The following NETO2 variants were observed in gnomAD, a reference collection of about 807,000 sequenced individuals.
The protein encoded by NETO2 is neuropilin and tolloid-like protein 2.
A neutral mutation model predicts 62.5 loss-of-function variants in NETO2; 28 were observed. That is an observed-to-expected ratio of 0.45 (90% CI 0.33 to 0.61). NETO2 has a LOEUF of 0.61. Ranked by LOEUF, NETO2 falls within the 20% of genes least tolerant of loss-of-function variation. The pLI is 0.02. For synonymous variants in NETO2, 214 were observed against 219.1 expected, an observed-to-expected ratio of 0.98 and a Z score of 0.21; for missense variants, 548 against 643.2, an observed-to-expected ratio of 0.85 and a Z score of 1.60.
At chr16:47,133,555 C>T (rs1273119366) in intron 1 of NETO2, among the ~76,000 whole-genome samples, 1 of 150,516 alleles carries the variant, frequency 6.6e-6, no homozygotes, top group African/African-American at 2.5e-5. Context: ...TGAGACCATG[C>T]CTCAATAACA....
chr16:47,142,087 C>G (rs1448766012), intron 1 of NETO2, among the ~76,000 whole-genome samples: 2 of 152,140 alleles, frequency 1.3e-5, no homozygotes, highest in Non-Finnish European at 2.9e-5. Flanking sequence ...CCGACAACGG[C>G]AGAAAATTCA....
rs758860848 is a variant in NETO2 at position 47,109,463 on chromosome 16, T to C, written c.883+20A>G. 6.4e-7 allele frequency: 1 copy of C among 1,560,978 alleles called. No homozygotes were observed. On this transcript the variant is annotated intron_variant, in intron 7 of 8. Coordinates refer to ENST00000562435, the MANE Select transcript of NETO2 (RefSeq NM_018092.5). ...AAAAATATGTAAAAGATCTCAATAC[T>C]ATAGGAATTATTTACTTACGCTCCA...
chr16:47,101,362 T>C (rs528165834), intron 7 of NETO2, among the ~76,000 whole-genome samples: 1 of 152,270 alleles, frequency 6.6e-6, no homozygotes, highest in East Asian at 1.9e-4. Context: ...GCATTCCCTT[T>C]GAAAACTGGC....
rs1963060676 is a variant in NETO2, at chr16:47,081,535, G to A, written c.*1686C>T. 1 of 152,400 alleles carries A rather than the reference G, an allele frequency of 6.6e-6. No individual in the cohort carries two copies. The highest frequency in any genetic ancestry group is 2.4e-5 in the African/African-American group (1 of 41,404). The allele number at this position is 152,400 out of a possible 1,614,324, so 9.4% of individuals were successfully genotyped here. On this transcript the variant is annotated 3_prime_UTR_variant, in exon 9 of 9. Coordinates refer to ENST00000562435, the MANE Select transcript of NETO2 (RefSeq NM_018092.5). Reference sequence around the variant, plus strand: ...ATTTTGATACAAGAAAGCACTCTGAGGCAGTATATGTGTATTAAATTTAAG... The same window carrying A: ...ATTTTGATACAAGAAAGCACTCTGAAGCAGTATATGTGTATTAAATTTAAG...
chr16:47,080,786 A>G lies in NETO2; in HGVS notation c.*2435T>C, dbSNP rs1231788133. ...TGCCTTCACTGGGTTAAGAAGCACC[A>G]TTATAACCTCTGTCTCCATTTTGCA... On this transcript the variant is annotated 3_prime_UTR_variant, in exon 9 of 9. Transcript: ENST00000562435. 6.6e-6 allele frequency: 1 copy of G among 152,250 alleles called. No homozygotes were observed. The highest frequency in any genetic ancestry group is 1.5e-5 in the Non-Finnish European group (1 of 68,044). 9.4% of individuals were successfully genotyped at this position (152,250 alleles called of 1,614,324 possible).
At chr16:47,129,420 T>G in intron 2 of NETO2, 56 bp from the exon 3 acceptor site, 1 of 1,571,082 alleles carries the variant, frequency 6.4e-7, no homozygotes, top group Non-Finnish European at 8.7e-7. Flanking sequence ...ATCATTCTTC[T>G]CTTTCCCCCA....
At chr16:47,084,393 TG>T (rs1381201023) in intron 8 of NETO2, among the ~76,000 whole-genome samples, 1 of 152,188 alleles carries the variant, frequency 6.6e-6, no homozygotes, top group East Asian at 1.9e-4. Flanking sequence ...AGACAGGAAC[TG>T]GGTATCACTG....
chr16:47,118,252 C>G (rs556760168), intron 6 of NETO2, among the ~76,000 whole-genome samples: 3 of 152,196 alleles, frequency 2.0e-5, no homozygotes, highest in Non-Finnish European at 2.9e-5. Context: ...GTAGGCTTGC[C>G]CAGTGTGTGA....
chr16:47,121,040 A>G (rs1045857422), intron 6 of NETO2, among the ~76,000 whole-genome samples: 6 of 152,166 alleles, frequency 3.9e-5, no homozygotes, highest in Non-Finnish European at 8.8e-5. Flanking sequence ...GAAAATCCCA[A>G]TAAACTGCCA....
chr16:47,081,238 T>C lies in NETO2; in HGVS notation c.*1983A>G, dbSNP rs770965539. The C allele has an allele frequency of 7.2e-5, 11 of 152,174 alleles. No homozygotes were observed. Among genetic ancestry groups the C allele is most frequent in the Admixed American group, 1.3e-4 (2 of 15,284 alleles). 9.4% of individuals were successfully genotyped at this position (152,174 alleles called of 1,614,324 possible). ...CTTCCCTTTTATCATCATAAGATCA[T>C]AGTTGTTGTTATATTAAGTATTTAT... On this transcript the variant is annotated 3_prime_UTR_variant, in exon 9 of 9. Transcript: ENST00000562435.
intron 1 of NETO2, among the ~76,000 whole-genome samples, chr16:47,136,910 C>T (rs191792084): frequency 6.6e-5 from 10 of 151,506 alleles, no homozygotes; most frequent in Admixed American, 1.3e-4. Flanking sequence ...CATTTACTAA[C>T]GACAGACACA....
At chr16:47,137,445 T>G (rs187376106) in intron 1 of NETO2, among the ~76,000 whole-genome samples, 6 of 152,080 alleles carry the variant, frequency 3.9e-5, no homozygotes, top group African/African-American at 1.4e-4. Context: ...TTTCCCTCCT[T>G]TGGTAGTGGC....
At chr16:47,092,345 C>A (rs1030873399) in intron 7 of NETO2, among the ~76,000 whole-genome samples, 4 of 152,142 alleles carry the variant, frequency 2.6e-5, no homozygotes, top group Non-Finnish European at 4.4e-5. Context: ...CAGCAAGGCA[C>A]CTAACATGGG....
chr16:47,143,407 A>G (rs1324499591), intron 1 of NETO2, among the ~76,000 whole-genome samples, 172 bp downstream of exon 1: 2 of 151,768 alleles, frequency 1.3e-5, no homozygotes, highest in Non-Finnish European at 2.9e-5. Flanking sequence ...GAGCCGGCGG[A>G]GCCGGGCAGG....
chr16:47,115,442 G>GT (rs969487181), intron 6 of NETO2, among the ~76,000 whole-genome samples: 4 of 151,116 alleles, frequency 2.6e-5, no homozygotes, highest in African/African-American at 7.3e-5. Flanking sequence ...ATACTACACA[G>GT]TTTTTTTTGG....
chr16:47,093,718 A>G (rs998328282), intron 7 of NETO2, among the ~76,000 whole-genome samples: 1 of 152,256 alleles, frequency 6.6e-6, no homozygotes, highest in African/African-American at 2.4e-5. Flanking sequence ...GAAAGCCTGT[A>G]TATGGTCATA....
chr16:47,083,637 C>T lies in NETO2; in HGVS notation c.1162G>A (p.Gly388Arg), dbSNP rs749831838. The T allele has an allele frequency of 1.9e-5, 30 of 1,613,992 alleles. No individual in the cohort carries two copies. Among genetic ancestry groups the T allele is most frequent in the Middle Eastern group, 1.6e-4 (1 of 6,084 alleles). ...MACKTAFNKTGFQEVFDPPHY... is the reference protein window; with the variant it reads ...MACKTAFNKTRFQEVFDPPHY... ...GGAGGATCAAACACTTCTTGGAACCCGGTTTTATTAAAAGCGGTTTTGCAA... is the reference window on the plus strand; with the variant it reads ...GGAGGATCAAACACTTCTTGGAACCTGGTTTTATTAAAAGCGGTTTTGCAA... The change falls in exon 9 of 9, where the codon GGG (glycine) becomes AGG (arginine). Residue 388 changes from glycine to arginine, a missense_variant. By Grantham distance (125) the Gly-to-Arg change is moderately radical (BLOSUM62 -2). Transcript: ENST00000562435.
intron 7 of NETO2, 53 bp from the exon 8 acceptor site, chr16:47,086,392 T>C (rs1285799492): frequency 8.6e-7 from 1 of 1,162,748 alleles, no homozygotes; most frequent in Admixed American, 1.8e-5. Flanking sequence ...CCTGATTTTA[T>C]TTCATACATA....
At chr16:47,123,833 G>T (rs1484780841) in intron 4 of NETO2, among the ~76,000 whole-genome samples, 1 of 152,146 alleles carries the variant, frequency 6.6e-6, no homozygotes, top group African/African-American at 2.4e-5. Flanking sequence ...GAGTAGCTGG[G>T]ATTACAGGTG....
Sources: gnomAD v4.1 joint callset for allele counts (sites outside exome capture counted in the v4.1 genomes callset) on GRCh38, gnomAD v4.1.1 for gene constraint, MANE v1.5 for transcripts, NCBI Gene and HGNC (gene_info 2026-07-23, HGNC 2026-07-21) for gene names.